NUP210L: variants seen among roughly 807,000 people sequenced by gnomAD.
NUP210L encodes nuclear pore membrane glycoprotein 210-like.
NUP210L carries 74 observed loss-of-function variants against 208.5 expected under a neutral mutation model. The ratio of observed to expected loss-of-function variants is 0.35; its 90% confidence interval spans 0.29 to 0.43. NUP210L has a LOEUF of 0.43. Ranked by LOEUF, NUP210L falls within the 20% of genes least tolerant of loss-of-function variation. The pLI is 1.00. For missense variants in NUP210L, 1,843 were observed against 2,289.4 expected, an observed-to-expected ratio of 0.81 and a Z score of 3.98; for synonymous variants, 780 against 816.9, an observed-to-expected ratio of 0.95 and a Z score of 0.77.
intron 16 of NUP210L, among the ~76,000 whole-genome samples, chr1:154,072,573 C>T (rs1284997209): frequency 6.6e-6 from 1 of 152,006 alleles, no homozygotes; most frequent in East Asian, 1.9e-4. Context: ...ACCTCATGAT[C>T]CGCCCGCCTT....
chr1:154,103,893 G>T lies in NUP210L; in HGVS notation c.1819+119C>A, dbSNP rs1485556458. ...AATATGTGAACTTAGACTATAATTG[G>T]TAGTTTCTGAATTGTTGATTGCTTC... On this transcript the variant is annotated intron_variant, in intron 13 of 39. Transcript: ENST00000368559. 3 of 713,344 alleles carry T rather than the reference G, an allele frequency of 4.2e-6. No homozygotes were observed. In the African/African-American group the frequency reaches 5.4e-5, roughly 13 times the overall value. The allele number at this position is 713,344 out of a possible 1,614,324, so 44.2% of individuals were successfully genotyped here. A position where few individuals can be genotyped will look rare whatever the true frequency, so the allele number is the denominator to read the frequency against.
At chr1:153,999,448 A>G (rs1433346136) in intron 37 of NUP210L, among the ~76,000 whole-genome samples, 1 of 152,232 alleles carries the variant, frequency 6.6e-6, no homozygotes, top group Non-Finnish European at 1.5e-5. Flanking sequence ...ACATTTATCA[A>G]TAAGATTGGC....
intron 16 of NUP210L, among the ~76,000 whole-genome samples, chr1:154,072,122 T>C (rs1036205547): frequency 3.9e-5 from 6 of 152,000 alleles, no homozygotes; most frequent in Non-Finnish European, 8.8e-5. Flanking sequence ...TAATGACTTC[T>C]TTTCCTCTGG....
intron 37 of NUP210L, chr1:153,996,103 T>G (rs896814324): frequency 6.9e-6 from 2 of 289,656 alleles, no homozygotes; most frequent in Non-Finnish European, 1.4e-5. Flanking sequence ...CCATCCTGGC[T>G]AACATGGTGA....
chr1:154,055,183 C>CTT (rs1184263492), intron 23 of NUP210L, among the ~76,000 whole-genome samples: 6 of 106,522 alleles, frequency 5.6e-5, no homozygotes, highest in East Asian at 2.5e-4. Flanking sequence ...TTCTTTCTTT[C>CTT]TTTCTTTTTC....
At chr1:153,995,215 T>C (rs376307664) in intron 37 of NUP210L, 35 bp from the exon 38 acceptor site, 13 of 1,427,700 alleles carry the variant, frequency 9.1e-6, no homozygotes, top group Non-Finnish European at 1.3e-5. Context: ...AGATAATAGT[T>C]AATAGCAACC....
At chr1:154,081,441 T>C (rs533588070) in intron 16 of NUP210L, among the ~76,000 whole-genome samples, 64 of 152,208 alleles carry the variant, frequency 4.2e-4, no homozygotes, top group Middle Eastern at 6.8e-3. Context: ...GTAATAGGAT[T>C]GTGTCTGTTA....
Position 154,135,987 on chromosome 1 carries a change from A to G in NUP210L, c.851-15T>C. 1 of 1,566,348 alleles carries G rather than the reference A, an allele frequency of 6.4e-7. No individual in the cohort carries two copies. Among genetic ancestry groups the G allele is most frequent in the Non-Finnish European group, 8.8e-7 (1 of 1,136,854 alleles). ...AAATTTCACCTCTGTAAGACATGAA[A>G]GATACATAAATGTAATGACAGCAGC... On this transcript the variant is annotated splice_polypyrimidine_tract_variant and intron_variant, in intron 6 of 39. Transcript: ENST00000368559.
rs1650112474 is a variant in NUP210L at position 153,999,927 on chromosome 1, C to A, written c.5386+929G>T. Among the ~76,000 whole-genome samples the A allele has an allele frequency of 4.0e-5, 6 of 151,214 alleles. 1 individual carries two copies. The South Asian group carries it at 1.3e-3, about 32-fold the overall frequency. ...GCAGCCTTGAACTCCTGGTCTCAAG[C>A]AATCCTCCTGCCTCAGCCTCCCGAG... On this transcript the variant is annotated intron_variant, in intron 37 of 39. Transcript: ENST00000368559.
exon 3 of NUP210L, chr1:154,143,478 A>G: frequency 6.2e-7 from 1 of 1,614,020 alleles, no homozygotes; most frequent in Non-Finnish European, 8.5e-7. Flanking sequence ...CATCAGTTCC[A>G]GTGGCGAATC....
chr1:154,139,143 C>G (rs1658700687), intron 5 of NUP210L, among the ~76,000 whole-genome samples: 1 of 152,094 alleles, frequency 6.6e-6, no homozygotes. Flanking sequence ...TGACACACAC[C>G]TGTAATCCCA....
At chr1:154,148,377 G>A (rs1368603815) in intron 2 of NUP210L, among the ~76,000 whole-genome samples, 2 of 152,088 alleles carry the variant, frequency 1.3e-5, no homozygotes, top group Non-Finnish European at 2.9e-5. Context: ...CAGCTACTGG[G>A]GAGGTTAGGG....
chr1:154,015,965 A>T (rs1170127525), intron 33 of NUP210L, among the ~76,000 whole-genome samples: 2 of 151,148 alleles, frequency 1.3e-5, no homozygotes, highest in African/African-American at 4.9e-5. Context: ...AAAATAAAAA[A>T]AATAGATGGC....
chr1:154,130,893 ATCT>A (rs1224878965), intron 7 of NUP210L, among the ~76,000 whole-genome samples: 1 of 151,918 alleles, frequency 6.6e-6, no homozygotes, highest in Non-Finnish European at 1.5e-5. Context: ...CCTAAAGCAA[ATCT>A]TCTAAATACT....
intron 8 of NUP210L, 94 bp from the exon 9 acceptor site, chr1:154,127,511 G>A: frequency 9.4e-6 from 4 of 424,980 alleles, no homozygotes; most frequent in Non-Finnish European, 1.2e-5. Flanking sequence ...TGTTCAAACA[G>A]CAAAATTTAC....
Position 154,143,668 on chromosome 1 carries a change from TGAAAAA to T in NUP210L, c.341-97_341-92del. ...ACTCAAAACTGTATTCTAAAGATTA[TGAAAAA>T]GAAAGACTATGACTGCTGCTTTTAC... is the stretch of plus-strand genomic sequence containing the variant. On this transcript the variant is annotated intron_variant, in intron 2 of 39. Coordinates refer to ENST00000368559, the Ensembl canonical transcript of NUP210L. 2.6e-6 allele frequency: 3 copies of T among 1,147,594 alleles called. No individual in the cohort carries two copies. In the East Asian group the frequency reaches 7.3e-5, roughly 28 times the overall value. 71.1% of individuals were successfully genotyped at this position (1,147,594 alleles called of 1,614,324 possible).
intron 16 of NUP210L, among the ~76,000 whole-genome samples, chr1:154,081,550 G>A (rs1478010914): frequency 2.0e-5 from 3 of 152,212 alleles, no homozygotes; most frequent in African/African-American, 7.2e-5. Context: ...GTGATTAGAA[G>A]GATGAGGTTT....
Position 154,035,155 on chromosome 1 carries a change from A to C in NUP210L, c.3697-5101T>G, listed in dbSNP as rs59033271. Among the ~76,000 whole-genome samples the C allele has an allele frequency of 1.9e-3, 291 of 149,984 alleles. 1 individual carries two copies. Among genetic ancestry groups the C allele is most frequent in the African/African-American group, 6.9e-3 (282 of 40,888 alleles). On this transcript the variant is annotated intron_variant, in intron 27 of 39. Transcript: ENST00000368559. ...ACGCCCAGCCAATGTCTCTTTTTCC[A>C]CCGCTGATTTTATTTATTTTGGTCT...
chr1:154,083,250 T>G (rs994768078), intron 16 of NUP210L, among the ~76,000 whole-genome samples: 1 of 152,124 alleles, frequency 6.6e-6, no homozygotes, highest in Admixed American at 6.6e-5. Flanking sequence ...ATTGGTCCAT[T>G]TTTACAGTGT....
Sources: allele counts gnomAD v4.1 joint callset (sites outside exome capture counted in the v4.1 genomes callset), GRCh38; gene constraint gnomAD v4.1.1; transcripts MANE v1.5; gene names NCBI Gene and HGNC (gene_info 2026-07-23, HGNC 2026-07-21).